The following PRMT3 variants were observed in gnomAD, a reference collection of about 807,000 sequenced individuals.
PRMT3 encodes the protein protein arginine methyltransferase 3.
PRMT3 carries 62 observed loss-of-function variants against 71.9 expected under a neutral mutation model. That is an observed-to-expected ratio of 0.86 (90% CI 0.70 to 1.07). The LOEUF is 1.07. Ranked by LOEUF, PRMT3 falls within the 50% of genes least tolerant of loss-of-function variation. PRMT3 has a pLI of 0.00. For synonymous variants in PRMT3, 213 were observed against 220.4 expected, an observed-to-expected ratio of 0.97 and a Z score of 0.30; for missense variants, 663 against 643.0, an observed-to-expected ratio of 1.03 and a Z score of -0.34.
At position 20,387,791 on chromosome 11, in the gene PRMT3, C is replaced by A; in HGVS notation, c.28+17C>A. 6.5e-7 allele frequency: 1 copy of A among 1,541,940 alleles called. No homozygotes were observed. The highest frequency in any genetic ancestry group is 1.2e-5 in the South Asian group (1 of 83,898). On this transcript the variant is annotated intron_variant, in intron 1 of 15. Transcript: ENST00000331079. This position sits in a 1 kb window ranked among gnomAD's most constrained non-coding sequence, Gnocchi z 4.3. The stretch of plus-strand genomic sequence containing the variant: ...GCGCTACCGGTGGGTACCCTGGCCC[C>A]TCAGCACCCGGCTCGTCCAGCCCCA...
In PRMT3 at chr11:20,389,807, C is replaced by T; in HGVS notation, c.228C>T (p.Asp76=). The stretch of plus-strand genomic sequence containing the variant: ...AGTCTGAGCATCAGTTTAATATTGA[C>T]AGCATGGTTCATAAACATGGTGAGT... ...HCKSEHQFNI[D]SMVHKHGLEF... The change falls in exon 3 of 16, where the codon GAC becomes GAT. Residue 76 remains aspartate, a synonymous_variant. Coordinates refer to ENST00000331079, the MANE Select transcript of PRMT3 (RefSeq NM_005788.4). 1.2e-6 allele frequency: 2 copies of T among 1,610,198 alleles called. No individual in the cohort carries two copies. Among genetic ancestry groups the T allele is most frequent in the African/African-American group, 1.3e-5 (1 of 74,930 alleles).
chr11:20,496,411 CTG>C (rs1851333491), intron 15 of PRMT3, among the ~76,000 whole-genome samples: 1 of 152,020 alleles, frequency 6.6e-6, no homozygotes, highest in African/African-American at 2.4e-5. Flanking sequence ...TAGTGAGACC[CTG>C]TCTCTTGGGG....
chr11:20,429,172 C>T (rs1849605447), intron 10 of PRMT3, among the ~76,000 whole-genome samples: 1 of 152,186 alleles, frequency 6.6e-6, no homozygotes. Context: ...AGACAGTTTT[C>T]CCATGGATTG....
intron 10 of PRMT3, among the ~76,000 whole-genome samples, chr11:20,437,575 GGCA>G (rs1423124474): frequency 2.0e-5 from 3 of 152,058 alleles, no homozygotes; most frequent in African/African-American, 7.2e-5. Flanking sequence ...TGGCAGTGGT[GGCA>G]GCAGCATAGT....
Position 20,509,244 on chromosome 11 carries a change from T to C in PRMT3, c.*831T>C, listed in dbSNP as rs910975227. On this transcript the variant is annotated 3_prime_UTR_variant, in exon 16 of 16. Transcript: ENST00000331079. ...ACAATTACTGATTCAATTTGAAATGTAGAATAAAATTTTAATAAAATGTAT... is the reference window on the plus strand; with the variant it reads ...ACAATTACTGATTCAATTTGAAATGCAGAATAAAATTTTAATAAAATGTAT... 4 of 145,442 alleles carry C rather than the reference T, an allele frequency of 2.8e-5. No individual in the cohort carries two copies. Among genetic ancestry groups the C allele is most frequent in the Admixed American group, 7.1e-5 (1 of 14,036 alleles). The allele number at this position is 145,442 out of a possible 1,614,324, so 9.0% of individuals were successfully genotyped here. A position where few individuals can be genotyped will look rare whatever the true frequency, so the allele number is the denominator to read the frequency against.
At chr11:20,391,358 GC>G (rs1848710719) in intron 3 of PRMT3, among the ~76,000 whole-genome samples, 1 of 151,818 alleles carries the variant, frequency 6.6e-6, no homozygotes, top group Non-Finnish European at 1.5e-5. Flanking sequence ...TGATTCTCCT[GC>G]CTCAGCCTCC....
intron 15 of PRMT3, among the ~76,000 whole-genome samples, chr11:20,495,607 A>G (rs1318538060): frequency 1.3e-5 from 2 of 152,312 alleles, no homozygotes; most frequent in Admixed American, 6.5e-5. Context: ...TGCAGTATTC[A>G]AGGGCTAATC....
intron 10 of PRMT3, among the ~76,000 whole-genome samples, chr11:20,449,660 C>T (rs184931718): frequency 1.6e-3 from 243 of 152,158 alleles, no homozygotes; most frequent in South Asian, 0.016. Context: ...TGAATTTTAA[C>T]GATTATCACC....
chr11:20,506,430 C>T (rs967152135), intron 15 of PRMT3, among the ~76,000 whole-genome samples: 3 of 152,156 alleles, frequency 2.0e-5, no homozygotes, highest in Non-Finnish European at 2.9e-5. Context: ...GAATGGATTG[C>T]ACCTTGGGCC....
intron 9 of PRMT3, among the ~76,000 whole-genome samples, chr11:20,418,949 C>T (rs1343108886): frequency 6.6e-6 from 1 of 152,190 alleles, no homozygotes; most frequent in African/African-American, 2.4e-5. Context: ...CACCCACCTC[C>T]ACTGCTCTTT....
chr11:20,395,429 C>T (rs192129189), intron 5 of PRMT3, among the ~76,000 whole-genome samples: 10 of 152,100 alleles, frequency 6.6e-5, no homozygotes, highest in Admixed American at 2.0e-4. Context: ...CTGCAACCTC[C>T]GCTTCCGAGG....
chr11:20,406,621 A>G (rs1029751488), intron 8 of PRMT3: 4 of 152,200 alleles, frequency 2.6e-5, no homozygotes, highest in African/African-American at 9.6e-5. Context: ...GTATACAGAT[A>G]TCTCTTAGGG....
chr11:20,428,052 G>T (rs1849584894), intron 10 of PRMT3, among the ~76,000 whole-genome samples: 1 of 151,692 alleles, frequency 6.6e-6, no homozygotes, highest in Admixed American at 6.6e-5. Flanking sequence ...CACAGTTGTT[G>T]ACAGTTACTA....
intron 4 of PRMT3, 144 bp from the exon 5 acceptor site, chr11:20,392,753 G>T: frequency 5.8e-6 from 3 of 514,716 alleles, no homozygotes; most frequent in Non-Finnish European, 1.0e-5. Context: ...TTAATGAAAT[G>T]ACAGGCACGT....
chr11:20,406,591 T>C (rs1017464827), intron 8 of PRMT3: 3 of 152,214 alleles, frequency 2.0e-5, no homozygotes, highest in African/African-American at 7.2e-5. Flanking sequence ...CTGTTGTGAA[T>C]ATTGCTGCTA....
intron 15 of PRMT3, among the ~76,000 whole-genome samples, chr11:20,499,519 C>T (rs960091865): frequency 6.6e-6 from 1 of 152,080 alleles, no homozygotes; most frequent in Non-Finnish European, 1.5e-5. Context: ...CTGAGCTACA[C>T]AGGAGGCTGA....
intron 13 of PRMT3, among the ~76,000 whole-genome samples, chr11:20,478,907 T>C (rs1158677884): frequency 6.6e-6 from 1 of 152,232 alleles, no homozygotes; most frequent in Non-Finnish European, 1.5e-5. Flanking sequence ...TACTTTTTGT[T>C]GTAAGTTGAC....
chr11:20,451,598 G>A (rs1370838794), intron 10 of PRMT3, among the ~76,000 whole-genome samples: 1 of 151,940 alleles, frequency 6.6e-6, no homozygotes, highest in African/African-American at 2.4e-5. Context: ...GACATTTTGG[G>A]CCAGGCCATT....
intron 13 of PRMT3, among the ~76,000 whole-genome samples, chr11:20,484,651 G>A (rs1201170440): frequency 6.6e-6 from 1 of 152,096 alleles, no homozygotes; most frequent in Non-Finnish European, 1.5e-5. Context: ...GACTTCCCCA[G>A]CCACGTGGAA....
Sources: allele counts gnomAD v4.1 joint callset (sites outside exome capture counted in the v4.1 genomes callset), GRCh38; gene constraint gnomAD v4.1.1; non-coding constraint Gnocchi (gnomAD v3.1); transcripts MANE v1.5; gene names NCBI Gene and HGNC (gene_info 2026-07-23, HGNC 2026-07-21).